RBFOX3: variants seen among roughly 807,000 people sequenced by gnomAD.
The protein encoded by RBFOX3 is RNA binding fox-1 homolog 3.
Under a neutral mutation model 48.7 loss-of-function variants are expected in RBFOX3, and 17 were observed. The ratio of observed to expected loss-of-function variants is 0.35; its 90% CI spans 0.24 to 0.52. The LOEUF (loss-of-function observed/expected upper bound fraction) is 0.52. Ranked by LOEUF, RBFOX3 falls within the 20% of genes least tolerant of loss-of-function variation. The pLI, the probability that RBFOX3 is intolerant of heterozygous loss-of-function variation, is 0.94. For missense variants in RBFOX3, 382 were observed against 497.5 expected (o/e 0.77, Z 2.21); for synonymous variants, 212 against 209.5 (o/e 1.01, Z -0.10).
At position 79,195,041 on chromosome 17, in the gene RBFOX3, C is replaced by T. The variant is rs886135330; in HGVS notation, c.-34+40725G>A. 3.9e-5 allele frequency among the ~76,000 whole-genome samples: 6 copies of T among 152,010 alleles called. No individual in the cohort carries two copies. Among genetic ancestry groups the T allele is most frequent in the South Asian group, 2.1e-4 (1 of 4,816 alleles). On this transcript the variant is annotated intron_variant, in intron 4 of 14. Coordinates refer to ENST00000693108, the MANE Select transcript of RBFOX3 (RefSeq NM_001350451.2). This position sits in a 1 kb window ranked among gnomAD's most constrained non-coding sequence, Gnocchi z 5.3. ...CAGATGTCTTTCCGCTCAGCCCCAC[C>T]GACATCAGCTCACTATCATCCCCAT... is the stretch of plus-strand genomic sequence containing the variant.
chr17:79,184,292 G>A (rs1358452461), intron 4 of RBFOX3, among the ~76,000 whole-genome samples: 1 of 152,154 alleles, frequency 6.6e-6, no homozygotes, highest in Non-Finnish European at 1.5e-5. Context: ...CTACTTAGAT[G>A]GGGGTGGGGG....
intron 2 of RBFOX3, among the ~76,000 whole-genome samples, chr17:79,340,400 A>G (rs1438258064): frequency 1.3e-5 from 2 of 152,148 alleles, no homozygotes; most frequent in Non-Finnish European, 2.9e-5. Flanking sequence ...CCCACCTCCC[A>G]GAAGTGAAAG....
chr17:79,494,907 G>C (rs1405385539), intron 1 of RBFOX3, among the ~76,000 whole-genome samples: 1 of 152,232 alleles, frequency 6.6e-6, no homozygotes, highest in Non-Finnish European at 1.5e-5. Context: ...GCCATGCAGA[G>C]CTGGAGGTCG....
At chr17:79,595,233 A>G (rs1330943161) in intron 1 of RBFOX3, among the ~76,000 whole-genome samples, 2 of 152,118 alleles carry the variant, frequency 1.3e-5, no homozygotes, top group African/African-American at 4.8e-5. Context: ...CTTGCCAGAA[A>G]GAAACCGGCA....
chr17:79,602,352 A>T (rs1322198145), intron 1 of RBFOX3, among the ~76,000 whole-genome samples: 2 of 152,366 alleles, frequency 1.3e-5, no homozygotes, highest in East Asian at 3.9e-4. Context: ...CACTGACAAC[A>T]GTAATTCTCA....
intron 3 of RBFOX3, among the ~76,000 whole-genome samples, chr17:79,294,091 T>C (rs1205031059): frequency 6.6e-6 from 1 of 152,184 alleles, no homozygotes; most frequent in African/African-American, 2.4e-5. Context: ...ACTATGCTCT[T>C]CAACTGGGGC....
At chr17:79,620,499 A>ATG in the RBFOX3 span, among the ~76,000 whole-genome samples, 1 of 145,098 alleles carries the variant, frequency 6.9e-6, no homozygotes, top group Non-Finnish European at 1.5e-5. Context: ...ACACACGCGC[A>ATG]CACACATGCG....
intron 4 of RBFOX3, among the ~76,000 whole-genome samples, chr17:79,211,168 G>C (rs1196146136): frequency 6.6e-6 from 1 of 152,264 alleles, no homozygotes; most frequent in East Asian, 1.9e-4. Context: ...CCACGGAGCA[G>C]ACGGTGGGAA....
Position 79,481,410 on chromosome 17 carries a change from A to G in RBFOX3, c.-175+1044T>C, listed in dbSNP as rs376871950. On this transcript the variant is annotated intron_variant, in intron 2 of 14. Coordinates refer to ENST00000693108, the MANE Select transcript of RBFOX3 (RefSeq NM_001350451.2). The surrounding 1 kb of genome is among the most constrained non-coding windows in gnomAD (Gnocchi z 5.4). ...CTGGTGTCTGTCCCTGGTTCCTGGG[A>G]GGTGATCTCTAAAACTGCTGGGGTT... Among the ~76,000 whole-genome samples the G allele has an allele frequency of 2.6e-5, 4 of 152,154 alleles. No individual in the cohort carries two copies. In the East Asian group the frequency reaches 7.7e-4, roughly 29 times the overall value.
intron 1 of RBFOX3, among the ~76,000 whole-genome samples, chr17:79,559,658 G>GGTGGGTGGGTGT (rs2092057512): frequency 7.1e-6 from 1 of 141,674 alleles, no homozygotes; most frequent in African/African-American, 2.6e-5. Flanking sequence ...TGGGTGGATG[G>GGTGGGTGGGTGT]ATGGGTGGGT....
rs1386251446 is a variant in RBFOX3 at position 79,581,048 on chromosome 17, C to T, written c.-320+29778G>A. On this transcript the variant is annotated intron_variant, in intron 1 of 14. Transcript: ENST00000693108. ...AGATCACGAGGTCAGGAGATCGAGA[C>T]CTTCCTGGCTAACATGGTGAAACCC... Among the ~76,000 whole-genome samples the T allele has an allele frequency of 2.0e-5, 3 of 152,242 alleles. No individual in the cohort carries two copies. In the East Asian group the frequency reaches 5.8e-4, roughly 29 times the overall value.
At chr17:79,269,001 GT>G (rs2067216373) in intron 3 of RBFOX3, among the ~76,000 whole-genome samples, 1 of 152,254 alleles carries the variant, frequency 6.6e-6, no homozygotes, top group Non-Finnish European at 1.5e-5. Context: ...GCCTCAGAAT[GT>G]GACCTCATTT....
rs957683071 is a variant in RBFOX3, at chr17:79,212,017, G to C, written c.-34+23749C>G. On this transcript the variant is annotated intron_variant, in intron 4 of 14. Coordinates refer to ENST00000693108, the MANE Select transcript of RBFOX3 (RefSeq NM_001350451.2). The surrounding 1 kb of genome is among the most constrained non-coding windows in gnomAD (Gnocchi z 4.7). ...TTGTGGCCAGGCCAAGCTCCCGAAA[G>C]CTCTGGTCTCCTGGGGTCTTGGAAG... Among the ~76,000 whole-genome samples the C allele has an allele frequency of 6.6e-6, 1 of 152,194 alleles. No homozygotes were observed. The highest frequency in any genetic ancestry group is 1.5e-5 in the Non-Finnish European group (1 of 68,022).
At chr17:79,314,483 A>G (rs1163964802) in intron 2 of RBFOX3, among the ~76,000 whole-genome samples, 1 of 152,222 alleles carries the variant, frequency 6.6e-6, no homozygotes, top group Non-Finnish European at 1.5e-5. Flanking sequence ...GGCCACTCAC[A>G]GCCAGGTCCA....
intron 3 of RBFOX3, among the ~76,000 whole-genome samples, chr17:79,275,180 C>T (rs962189294): frequency 4.7e-5 from 7 of 150,428 alleles, no homozygotes; most frequent in East Asian, 2.0e-4. Context: ...CTCCCCCTCC[C>T]CTGGCCTCAT....
intron 12 of RBFOX3, among the ~76,000 whole-genome samples, chr17:79,096,100 G>C (rs867227114): frequency 6.6e-6 from 1 of 152,210 alleles, no homozygotes; most frequent in South Asian, 2.1e-4. Context: ...AAATGGGCAG[G>C]TAACTGAATT....
At chr17:79,292,876 T>C (rs1453500616) in intron 3 of RBFOX3, among the ~76,000 whole-genome samples, 1 of 152,232 alleles carries the variant, frequency 6.6e-6, no homozygotes, top group Non-Finnish European at 1.5e-5. Context: ...GACTTCGTTT[T>C]GGAATTTGGC....
At chr17:79,352,023 A>G (rs1444153641) in intron 2 of RBFOX3, among the ~76,000 whole-genome samples, 1 of 152,142 alleles carries the variant, frequency 6.6e-6, no homozygotes, top group Non-Finnish European at 1.5e-5. Flanking sequence ...AAGCTTCTGC[A>G]TTCCTGGTGG....
chr17:79,497,217 G>T (rs1369317057), intron 1 of RBFOX3, among the ~76,000 whole-genome samples: 1 of 152,178 alleles, frequency 6.6e-6, no homozygotes, highest in Admixed American at 6.5e-5. Flanking sequence ...CTCAATTTAG[G>T]TCATGGCTAT....
Sources: allele counts gnomAD v4.1 joint callset (sites outside exome capture counted in the v4.1 genomes callset), GRCh38; gene constraint gnomAD v4.1.1; non-coding constraint Gnocchi (gnomAD v3.1); transcripts MANE v1.5; gene names NCBI Gene and HGNC (gene_info 2026-07-23, HGNC 2026-07-21).